The following SYNJ1 variants were observed in gnomAD, a reference collection of about 807,000 sequenced individuals.
SYNJ1 encodes synaptojanin 1.
In SYNJ1, 78 loss-of-function variants were observed where a neutral mutation model predicts 168.2. The ratio of observed to expected loss-of-function variants is 0.46; its 90% CI spans 0.39 to 0.56. SYNJ1 has a LOEUF of 0.56. Ranked by LOEUF, SYNJ1 falls within the 20% of genes least tolerant of loss-of-function variation. The probability of loss-of-function intolerance (pLI) is 0.00; values close to 1 mark genes in which losing one functional copy is unlikely to be tolerated. For synonymous variants in SYNJ1, 539 were observed against 548.6 expected, an observed-to-expected ratio of 0.98 and a Z score of 0.24; for missense variants, 1,303 against 1,597.6, an observed-to-expected ratio of 0.82 and a Z score of 3.14.
chr21:32,641,914 T>A lies in SYNJ1; in HGVS notation c.3570A>T (p.Gly1190=), dbSNP rs1165246146. The A allele has an allele frequency of 6.2e-7, 1 of 1,613,184 alleles. No homozygotes were observed. ...TACCTACCGGTCTGGCTGTACTGTA[T>A]CCAGCAGGTCCTGGGCCTGCAAGTC... is the stretch of plus-strand genomic sequence containing the variant. The part of the protein sequence containing the change: ...QAGLAGPGPA[G]YSTARPTIPP... Residue 1190 remains glycine (G), a synonymous_variant, in exon 29 of 33, where the codon GGA becomes GGT. Coordinates refer to ENST00000674351, the MANE Select transcript of SYNJ1 (RefSeq NM_203446.3).
chr21:32,698,193 C>G (rs1350703821), intron 4 of SYNJ1, among the ~76,000 whole-genome samples: 1 of 152,198 alleles, frequency 6.6e-6, no homozygotes, highest in African/African-American at 2.4e-5. Flanking sequence ...AAACCCAAGT[C>G]TCTAACACAT....
chr21:32,682,626 C>T (rs985471412), intron 10 of SYNJ1, among the ~76,000 whole-genome samples: 1 of 152,128 alleles, frequency 6.6e-6, no homozygotes, highest in Non-Finnish European at 1.5e-5. Flanking sequence ...CAAAACTGAT[C>T]TTATTCCTCT....
intron 19 of SYNJ1, among the ~76,000 whole-genome samples, chr21:32,657,376 T>C (rs2145855607): frequency 6.6e-6 from 1 of 152,342 alleles, no homozygotes; most frequent in Admixed American, 6.5e-5. Context: ...TGGGACTAAA[T>C]GGTGTTTCAT....
At chr21:32,708,473 G>C (rs1177485690) in intron 2 of SYNJ1, among the ~76,000 whole-genome samples, 2 of 152,186 alleles carry the variant, frequency 1.3e-5, no homozygotes, top group African/African-American at 4.8e-5. Context: ...GTAAGTTACT[G>C]ATTTCTAACC....
chr21:32,635,067 T>G (rs2039504795), intron 31 of SYNJ1, among the ~76,000 whole-genome samples, 183 bp from the exon 32 acceptor site: 1 of 152,258 alleles, frequency 6.6e-6, no homozygotes, highest in African/African-American at 2.4e-5. Flanking sequence ...ATAATTTTGT[T>G]GAATTAGGGT....
chr21:32,636,556 T>C (rs1397953832), intron 31 of SYNJ1, among the ~76,000 whole-genome samples: 1 of 152,212 alleles, frequency 6.6e-6, no homozygotes, highest in Non-Finnish European at 1.5e-5. Flanking sequence ...AATCTCACCA[T>C]CAGGTTTGAA....
chr21:32,664,083 T>C (rs1446052823), intron 18 of SYNJ1, among the ~76,000 whole-genome samples: 4 of 152,228 alleles, frequency 2.6e-5, no homozygotes, highest in Non-Finnish European at 5.9e-5. Context: ...AAAACTCTTA[T>C]AATAGGAGTT....
intron 2 of SYNJ1, among the ~76,000 whole-genome samples, chr21:32,722,619 C>T (rs575540466): frequency 6.6e-6 from 1 of 152,284 alleles, no homozygotes. Flanking sequence ...TGTTTATCAA[C>T]TTTGTAATCT....
intron 9 of SYNJ1, among the ~76,000 whole-genome samples, 186 bp from the exon 10 acceptor site, chr21:32,684,305 C>G: frequency 6.6e-6 from 1 of 152,188 alleles, no homozygotes; most frequent in East Asian, 1.9e-4. Flanking sequence ...AATTTGACAA[C>G]TGTTAACATT....
In SYNJ1 at chr21:32,693,313, G is replaced by A. The variant is rs186126255; in HGVS notation, c.789+915C>T. 1.2e-3 allele frequency among the ~76,000 whole-genome samples: 187 copies of A among 152,198 alleles called. 1 individual carries two copies. Among genetic ancestry groups the A allele is most frequent in the East Asian group, 1.5e-3 (8 of 5,182 alleles). ...TTTAGGGAAAGATATATCTATTTACGTTATCCCTACAAAGATAAAACAAGT... is the reference window on the plus strand; with the variant it reads ...TTTAGGGAAAGATATATCTATTTACATTATCCCTACAAAGATAAAACAAGT... On this transcript the variant is annotated intron_variant, in intron 6 of 32. Coordinates refer to ENST00000674351, the MANE Select transcript of SYNJ1 (RefSeq NM_203446.3).
At position 32,686,984 on chromosome 21, in the gene SYNJ1, A is replaced by C. The variant is rs1207365233; in HGVS notation, c.942T>G (p.Ala314=). ...SKEGEHMLSK[A]FQSHLKASEH... ...AAGAAATGACCATACTTACCTGGAA[A>C]GCTTTACTTAGCATATGTTCACCTT... Residue 314 remains alanine, a synonymous_variant, in exon 8 of 33, where the codon GCT becomes GCG. Coordinates refer to ENST00000674351, the MANE Select transcript of SYNJ1 (RefSeq NM_203446.3). 2.0e-6 allele frequency: 3 copies of C among 1,533,240 alleles called. No homozygotes were observed. Among genetic ancestry groups the C allele is most frequent in the African/African-American group, 2.9e-5 (2 of 69,842 alleles). 95.0% of individuals were successfully genotyped at this position (1,533,240 alleles called of 1,614,324 possible).
intron 13 of SYNJ1, among the ~76,000 whole-genome samples, 174 bp from the exon 14 acceptor site, chr21:32,673,705 G>C (rs1451012184): frequency 6.6e-6 from 1 of 150,942 alleles, no homozygotes; most frequent in Admixed American, 6.6e-5. Context: ...GCAAAGCCTG[G>C]TATGAGGCAA....
rs748661521 is a variant in SYNJ1 at position 32,643,379 on chromosome 21, A to T, written c.3478+31T>A. Reference sequence around the variant, plus strand: ...CTGACACTGAGAAATAAAATGAGAGAACCACTTCTATAATGCAAGAGTCTT... The same window carrying T: ...CTGACACTGAGAAATAAAATGAGAGTACCACTTCTATAATGCAAGAGTCTT... On this transcript the variant is annotated intron_variant, in intron 27 of 32. Transcript: ENST00000674351. 9 of 1,611,530 alleles carry T rather than the reference A, an allele frequency of 5.6e-6. No individual in the cohort carries two copies. The East Asian group carries it at 1.6e-4, about 28-fold the overall frequency.
intron 32 of SYNJ1, among the ~76,000 whole-genome samples, chr21:32,633,847 A>G (rs563970783): frequency 2.6e-5 from 4 of 152,354 alleles, no homozygotes; most frequent in African/African-American, 9.6e-5. Flanking sequence ...ACTTAGTGTG[A>G]TAAATTTGTA....
intron 32 of SYNJ1, among the ~76,000 whole-genome samples, chr21:32,634,484 T>C (rs1569020027): frequency 6.6e-6 from 1 of 152,140 alleles, no homozygotes; most frequent in African/African-American, 2.4e-5. Flanking sequence ...TATTTTTTCC[T>C]AAAAAACATA....
At chr21:32,672,076 A>G (rs1210014668) in intron 14 of SYNJ1, among the ~76,000 whole-genome samples, 11 of 148,500 alleles carry the variant, frequency 7.4e-5, no homozygotes, top group East Asian at 2.0e-4. Context: ...AAAAAAAAAA[A>G]AAAAAAAAGA....
At chr21:32,633,319 A>C (rs866152728) in intron 32 of SYNJ1, among the ~76,000 whole-genome samples, 2 of 152,172 alleles carry the variant, frequency 1.3e-5, no homozygotes, top group South Asian at 2.1e-4. Flanking sequence ...CCTACTCCAT[A>C]AAGAAGGTGG....
rs368003928 is a variant in SYNJ1 at position 32,641,848 on chromosome 21, C to T, written c.3588+48G>A. The T allele has an allele frequency of 7.0e-6, 10 of 1,430,782 alleles. No homozygotes were observed. The African/African-American group carries it at 1.4e-4, about 21-fold the overall frequency. 88.6% of individuals were successfully genotyped at this position (1,430,782 alleles called of 1,614,324 possible). On this transcript the variant is annotated intron_variant, in intron 29 of 32. Transcript: ENST00000674351. ...GGTAACAAAACTGACTAGTAGTAAA[C>T]AGGACTTAGAACCGAGACCCCTTGG...
rs778520931 is a variant in SYNJ1 at position 32,646,412 on chromosome 21, A to G, written c.3228T>C (p.Pro1076=). ...IRPSRAPSRT[P]GPPSAQSSPI... ...GCATACTCTGTGCACTGGGAGGCCC[A>G]GGAGTTCTTGACGGTGCTCGGCTTG... Residue 1076 remains proline (P), a synonymous_variant, in exon 24 of 33, where the codon CCT becomes CCC. Coordinates refer to ENST00000674351, the MANE Select transcript of SYNJ1 (RefSeq NM_203446.3). 1.2e-6 allele frequency: 2 copies of G among 1,614,188 alleles called. No homozygotes were observed. The highest frequency in any genetic ancestry group is 2.2e-5 in the South Asian group (2 of 91,078).
Sources: allele counts gnomAD v4.1 joint callset (sites outside exome capture counted in the v4.1 genomes callset), GRCh38; gene constraint gnomAD v4.1.1; transcripts MANE v1.5; gene names NCBI Gene and HGNC (gene_info 2026-07-23, HGNC 2026-07-21).